Variants in ONECUT2 observed in about 807,000 individuals in gnomAD.
The protein encoded by ONECUT2 is one cut homeobox 2, also known as one cut domain family member 2.
A neutral mutation model predicts 27.9 loss-of-function variants in ONECUT2; 10 were observed. The observed-to-expected ratio is 0.36, with a 90% CI of 0.22 to 0.61. ONECUT2 has a LOEUF of 0.61. Ranked by LOEUF, ONECUT2 falls within the 20% of genes least tolerant of loss-of-function variation. The pLI is 0.73. For synonymous variants in ONECUT2, 334 were observed against 315.1 expected, an observed-to-expected ratio of 1.06 and a Z score of -0.64; for missense variants, 686 against 721.0, an observed-to-expected ratio of 0.95 and a Z score of 0.56.
At chr18:57,452,233 G>A (rs1026895920) in intron 1 of ONECUT2, among the ~76,000 whole-genome samples, 2 of 152,102 alleles carry the variant, frequency 1.3e-5, no homozygotes, top group South Asian at 2.1e-4. Flanking sequence ...ATCATAGCAA[G>A]CAGGGACCCT....
chr18:57,476,060 G>T (rs561771077), intron 1 of ONECUT2, among the ~76,000 whole-genome samples: 10 of 152,040 alleles, frequency 6.6e-5, no homozygotes, highest in Admixed American at 5.2e-4. Flanking sequence ...TATGAAAGAG[G>T]AACTGCCTCA....
chr18:57,455,670 C>G (rs1374639306), intron 1 of ONECUT2, among the ~76,000 whole-genome samples: 2 of 152,150 alleles, frequency 1.3e-5, no homozygotes, highest in African/African-American at 4.8e-5. Context: ...TCGGGAAGCT[C>G]TGATGGGGTC....
At chr18:57,442,715 C>T (rs1377677425) in intron 1 of ONECUT2, among the ~76,000 whole-genome samples, 1 of 152,122 alleles carries the variant, frequency 6.6e-6, no homozygotes, top group Non-Finnish European at 1.5e-5. Flanking sequence ...TAGACTCTCT[C>T]CTACTCCCAT....
chr18:57,487,945 G>A lies in ONECUT2; in HGVS notation c.*11222G>A, dbSNP rs550997359. On this transcript the variant is annotated 3_prime_UTR_variant, in exon 2 of 2. Transcript: ENST00000491143. ...CCCAAACCAAAATGCTTGACATAAAGCCAAATCAACTGCCAAGCACACTTT... is the reference window on the plus strand; with the variant it reads ...CCCAAACCAAAATGCTTGACATAAAACCAAATCAACTGCCAAGCACACTTT... The A allele has an allele frequency of 6.6e-6, 1 of 152,258 alleles. No individual in the cohort carries two copies. Among genetic ancestry groups the A allele is most frequent in the Admixed American group, 6.5e-5 (1 of 15,280 alleles). The allele number at this position is 152,258 out of a possible 1,614,324, so 9.4% of individuals were successfully genotyped here.
At chr18:57,453,554 C>G (rs2050242375) in intron 1 of ONECUT2, among the ~76,000 whole-genome samples, 1 of 516 alleles carries the variant, frequency 1.9e-3, no homozygotes, top group Non-Finnish European at 9.6e-3. Context: ...GCTCACAGTT[C>G]CCCTGAATGT....
chr18:57,485,716 C>A lies in ONECUT2; in HGVS notation c.*8993C>A, dbSNP rs2050434654. On this transcript the variant is annotated 3_prime_UTR_variant, in exon 2 of 2. Coordinates refer to ENST00000491143, the MANE Select transcript of ONECUT2 (RefSeq NM_004852.3). ...CAAAGAAGCAAAGAGAGGAAGGGACCAATCAACTCATCAGTTCCATGCATC... is the reference window on the plus strand; with the variant it reads ...CAAAGAAGCAAAGAGAGGAAGGGACAAATCAACTCATCAGTTCCATGCATC... The A allele has an allele frequency of 6.6e-6, 1 of 152,268 alleles. No individual in the cohort carries two copies. Among genetic ancestry groups the A allele is most frequent in the Non-Finnish European group, 1.5e-5 (1 of 68,010 alleles). The allele number at this position is 152,268 out of a possible 1,614,324, so 9.4% of individuals were successfully genotyped here. A position where few individuals can be genotyped will look rare whatever the true frequency, so the allele number is the denominator to read the frequency against.
rs573024981 is a variant in ONECUT2, at chr18:57,487,131, T to C, written c.*10408T>C. The C allele has an allele frequency of 3.9e-5, 6 of 152,718 alleles. No individual in the cohort carries two copies. The South Asian group carries it at 8.3e-4, about 21-fold the overall frequency. 9.5% of individuals were successfully genotyped at this position (152,718 alleles called of 1,614,324 possible). On this transcript the variant is annotated 3_prime_UTR_variant, in exon 2 of 2. Coordinates refer to ENST00000491143, the MANE Select transcript of ONECUT2 (RefSeq NM_004852.3). The stretch of plus-strand genomic sequence containing the variant: ...TCAGACGGTGGTAATATTGGTTTTA[T>C]TGGGAGATGTGTCACCTCGAAAATA...
At chr18:57,455,442 G>C (rs2050253854) in intron 1 of ONECUT2, among the ~76,000 whole-genome samples, 1 of 152,124 alleles carries the variant, frequency 6.6e-6, no homozygotes, top group Non-Finnish European at 1.5e-5. Context: ...AATTGTCCTA[G>C]TGGTTTCATG....
rs2050389549 is a variant in ONECUT2 at position 57,477,362 on chromosome 18, T to G, written c.*639T>G. 6.6e-6 allele frequency: 1 copy of G among 152,642 alleles called. No individual in the cohort carries two copies. The highest frequency in any genetic ancestry group is 1.5e-5 in the Non-Finnish European group (1 of 68,042). 9.5% of individuals were successfully genotyped at this position (152,642 alleles called of 1,614,324 possible). A position where few individuals can be genotyped will look rare whatever the true frequency, so the allele number is the denominator to read the frequency against. The stretch of plus-strand genomic sequence containing the variant: ...CCTGTTTTTCCAACCCAGACATCTT[T>G]TCATTGAATGATTTAGAAAGCTTTA... On this transcript the variant is annotated 3_prime_UTR_variant, in exon 2 of 2. Transcript: ENST00000491143.
chr18:57,444,529 G>A (rs1054844964), intron 1 of ONECUT2: 23 of 437,352 alleles, frequency 5.3e-5, no homozygotes, highest in Admixed American at 1.7e-4. Context: ...GCCCTACTGC[G>A]TCCTCCTGGA....
chr18:57,470,122 G>C (rs2122144540), intron 1 of ONECUT2, among the ~76,000 whole-genome samples: 1 of 152,342 alleles, frequency 6.6e-6, no homozygotes, highest in Admixed American at 6.5e-5. Context: ...GGGTGTGTCT[G>C]CTGATACAGG....
chr18:57,443,880 A>G (rs2050188299), intron 1 of ONECUT2, among the ~76,000 whole-genome samples: 1 of 152,232 alleles, frequency 6.6e-6, no homozygotes, highest in African/African-American at 2.4e-5. Context: ...TCACCATTTG[A>G]GGACCCATTA....
At chr18:57,442,323 G>T (rs919958400) in intron 1 of ONECUT2, among the ~76,000 whole-genome samples, 3 of 151,314 alleles carry the variant, frequency 2.0e-5, no homozygotes, top group Non-Finnish European at 2.9e-5. Flanking sequence ...GTATCAATCG[G>T]GAGGGAAAGC....
intron 1 of ONECUT2, among the ~76,000 whole-genome samples, chr18:57,446,685 A>G (rs1271328498): frequency 6.6e-6 from 1 of 152,236 alleles, no homozygotes; most frequent in Non-Finnish European, 1.5e-5. Flanking sequence ...AAGTAGCTTA[A>G]AGGGCTTTTT....
At position 57,480,554 on chromosome 18, in the gene ONECUT2, A is replaced by G. The variant is rs942632308; in HGVS notation, c.*3831A>G. The G allele has an allele frequency of 2.0e-5, 3 of 148,774 alleles. No homozygotes were observed. Among genetic ancestry groups the G allele is most frequent in the African/African-American group, 7.3e-5 (3 of 41,116 alleles). 9.2% of individuals were successfully genotyped at this position (148,774 alleles called of 1,614,324 possible). A position where few individuals can be genotyped will look rare whatever the true frequency, so the allele number is the denominator to read the frequency against. ...TGGTCAAACCAGTCCTCTGATAATC[A>G]GAAGAACATGTCATAATTGTTTAAA... On this transcript the variant is annotated 3_prime_UTR_variant, in exon 2 of 2. Transcript: ENST00000491143.
intron 1 of ONECUT2, among the ~76,000 whole-genome samples, chr18:57,457,458 C>T (rs1268347711): frequency 1.3e-5 from 2 of 152,276 alleles, no homozygotes; most frequent in Non-Finnish European, 2.9e-5. Context: ...GTTCAAATTC[C>T]TGAACTCCCT....
intron 1 of ONECUT2, among the ~76,000 whole-genome samples, chr18:57,440,484 C>A (rs1016675785): frequency 2.3e-4 from 35 of 152,354 alleles, no homozygotes; most frequent in Non-Finnish European, 3.8e-4. Flanking sequence ...CAGCGGCCTG[C>A]CCGGAGCTGG....
intron 1 of ONECUT2, among the ~76,000 whole-genome samples, chr18:57,473,902 G>T (rs553194): frequency 0.63 from 95,157 of 152,046 alleles, 32,208 homozygotes; most frequent in Middle Eastern, 0.8. Flanking sequence ...TCACAGGAAT[G>T]AGCAAAGAAG....
chr18:57,440,921 A>G (rs185047193), intron 1 of ONECUT2, among the ~76,000 whole-genome samples: 1 of 152,134 alleles, frequency 6.6e-6, no homozygotes, highest in South Asian at 2.1e-4. Flanking sequence ...GGAACAGACG[A>G]TATGTTTGCC....
Sources: gnomAD v4.1 joint callset for allele counts (sites outside exome capture counted in the v4.1 genomes callset) on GRCh38, gnomAD v4.1.1 for gene constraint, MANE v1.5 for transcripts, NCBI Gene and HGNC (gene_info 2026-07-23, HGNC 2026-07-21) for gene names.